Variants in MYO3A observed in about 807,000 individuals in gnomAD.
MYO3A encodes the protein myosin IIIA, also known as myosin-IIIa.
MYO3A carries 180 observed loss-of-function variants against 192.7 expected under a neutral mutation model. That is an observed-to-expected ratio of 0.93 (90% CI 0.83 to 1.06). The LOEUF (loss-of-function observed/expected upper bound fraction) is 1.06, where lower values mean the gene tolerates loss of function less well. Among genes scored for constraint, MYO3A ranks in the 50% least tolerant of loss-of-function variants. MYO3A has a pLI of 0.00. For missense variants in MYO3A, 1,896 were observed against 1,905.0 expected (o/e 1.00, Z 0.09); for synonymous variants, 628 against 645.3 (o/e 0.97, Z 0.41).
chr10:26,046,049 A>G (rs1488430886), intron 10 of MYO3A, among the ~76,000 whole-genome samples: 2 of 152,104 alleles, frequency 1.3e-5, no homozygotes, highest in African/African-American at 4.8e-5. Flanking sequence ...TATCCTTTGT[A>G]ATATTCTTTA....
chr10:26,192,727 C>T lies in MYO3A; in HGVS notation c.4439-478C>T, dbSNP rs182437523. Among the ~76,000 whole-genome samples, 1,024 of 145,286 alleles carry T rather than the reference C, an allele frequency of 7.0e-3. 12 individuals are homozygous for T. Among genetic ancestry groups the T allele is most frequent in the African/African-American group, 0.024 (964 of 39,698 alleles). On this transcript the variant is annotated intron_variant, in intron 31 of 34. Coordinates refer to ENST00000642920, the MANE Select transcript of MYO3A (RefSeq NM_017433.5). ...GGAATGCAATGGCACGGTCTTTACTCATTGCAACCTCTGCCTCCCAGGTTC... is the reference window on the plus strand; with the variant it reads ...GGAATGCAATGGCACGGTCTTTACTTATTGCAACCTCTGCCTCCCAGGTTC...
chr10:26,131,910 C>G (rs2131774754), intron 20 of MYO3A, among the ~76,000 whole-genome samples: 1 of 152,286 alleles, frequency 6.6e-6, no homozygotes, highest in Non-Finnish European at 1.5e-5. Context: ...GACTCAACCC[C>G]TTCTAAATGA....
chr10:26,125,536 C>T lies in MYO3A; in HGVS notation c.2042C>T (p.Thr681Ile), dbSNP rs763285554. Residue 681 changes from threonine to isoleucine, a missense_variant, in exon 19 of 35, where the codon ACT (threonine) becomes ATT (isoleucine). Coordinates refer to ENST00000642920, the MANE Select transcript of MYO3A (RefSeq NM_017433.5). ...ATDVRDAMAK[T>I]LYGRLFSWIV... is the part of the protein sequence containing the mutation. ...GATGTCAGGGATGCCATGGCTAAAA[C>T]TTTATATGGACGTCTCTTTAGTTGG... is the stretch of plus-strand genomic sequence containing the variant. 7 of 1,613,940 alleles carry T rather than the reference C, an allele frequency of 4.3e-6. No homozygotes were observed. Among genetic ancestry groups the T allele is most frequent in the East Asian group, 2.2e-5 (1 of 44,882 alleles).
intron 11 of MYO3A, among the ~76,000 whole-genome samples, chr10:26,067,696 A>T (rs2131375158): frequency 6.6e-6 from 1 of 152,246 alleles, no homozygotes; most frequent in Admixed American, 6.5e-5. Flanking sequence ...TTGTGAAGGT[A>T]GAGATCCAAG....
intron 4 of MYO3A, among the ~76,000 whole-genome samples, chr10:25,984,555 C>G (rs1446652953): frequency 1.3e-5 from 2 of 152,174 alleles, no homozygotes; most frequent in Non-Finnish European, 2.9e-5. Context: ...TTGTTCCAAG[C>G]CCCCCTCCCT....
chr10:26,210,399 C>T (rs979002777), intron 34 of MYO3A, among the ~76,000 whole-genome samples: 7 of 152,208 alleles, frequency 4.6e-5, no homozygotes, highest in African/African-American at 1.7e-4. Context: ...GCCTTGGCGA[C>T]ATTCTTGGTT....
chr10:26,031,894 T>G (rs1364388545), intron 10 of MYO3A, among the ~76,000 whole-genome samples: 1 of 152,186 alleles, frequency 6.6e-6, no homozygotes, highest in Non-Finnish European at 1.5e-5. Flanking sequence ...TCATTCCTCA[T>G]AAATAAAGAA....
chr10:26,138,832 A>G (rs995890953), intron 20 of MYO3A, among the ~76,000 whole-genome samples: 5 of 152,232 alleles, frequency 3.3e-5, no homozygotes, highest in Admixed American at 2.6e-4. Flanking sequence ...AGCTTCATGA[A>G]TGGATTCCTG....
At chr10:26,017,814 C>A (rs551316177) in intron 7 of MYO3A, among the ~76,000 whole-genome samples, 1 of 151,184 alleles carries the variant, frequency 6.6e-6, no homozygotes, top group East Asian at 1.9e-4. Context: ...AAAGTATAGT[C>A]ATAGAAGCAA....
intron 17 of MYO3A, among the ~76,000 whole-genome samples, chr10:26,109,876 C>A (rs1838053510): frequency 6.6e-6 from 1 of 152,110 alleles, no homozygotes; most frequent in Admixed American, 6.5e-5. Flanking sequence ...TTTGAGGAGC[C>A]AGAGGGGAAT....
intron 10 of MYO3A, among the ~76,000 whole-genome samples, chr10:26,030,953 T>C (rs1038382824): frequency 3.9e-5 from 6 of 152,162 alleles, no homozygotes; most frequent in African/African-American, 1.4e-4. Flanking sequence ...CATGTTATAA[T>C]ACACTCCTCA....
At chr10:26,118,645 T>A (rs961601287) in intron 17 of MYO3A, among the ~76,000 whole-genome samples, 11 of 151,884 alleles carry the variant, frequency 7.2e-5, no homozygotes, top group South Asian at 2.1e-4. Flanking sequence ...TTTTTTTTTT[T>A]AATTGTGTCC....
chr10:25,962,700 A>C (rs1838010676), intron 4 of MYO3A, among the ~76,000 whole-genome samples: 1 of 152,192 alleles, frequency 6.6e-6, no homozygotes, highest in Non-Finnish European at 1.5e-5. Context: ...GTTGGGGATC[A>C]GTATCAAGCG....
At chr10:26,150,029 CGTGTGTGTGTGTGT>C (rs35589117) in intron 23 of MYO3A, among the ~76,000 whole-genome samples, 1 of 149,398 alleles carries the variant, frequency 6.7e-6, no homozygotes, top group Non-Finnish European at 1.5e-5. Flanking sequence ...GAATAGTATT[CGTGTGTGTGTGTGT>C]GTGTGTGTGT....
At chr10:25,995,852 G>A (rs186692442) in intron 4 of MYO3A, among the ~76,000 whole-genome samples, 28 of 152,324 alleles carry the variant, frequency 1.8e-4, no homozygotes, top group African/African-American at 5.8e-4. Flanking sequence ...CTGTCTGATC[G>A]TTCCTCTGGA....
chr10:26,133,463 C>T (rs2131784609), intron 20 of MYO3A, among the ~76,000 whole-genome samples: 1 of 152,344 alleles, frequency 6.6e-6, no homozygotes, highest in East Asian at 1.9e-4. Flanking sequence ...TGTTCCTCAT[C>T]CCTGCTAGGC....
At chr10:26,093,031 C>T (rs1836790850) in intron 15 of MYO3A, among the ~76,000 whole-genome samples, 1 of 152,074 alleles carries the variant, frequency 6.6e-6, no homozygotes, top group South Asian at 2.1e-4. Context: ...AAGAGAAATC[C>T]ATTAATATTG....
At chr10:26,011,168 C>T (rs775572441) in intron 6 of MYO3A, among the ~76,000 whole-genome samples, 2 of 152,180 alleles carry the variant, frequency 1.3e-5, no homozygotes, top group Non-Finnish European at 2.9e-5. Context: ...GTGGCTCACA[C>T]TTGTAATGCC....
At chr10:26,049,316 C>T (rs1194062742) in intron 10 of MYO3A, among the ~76,000 whole-genome samples, 3 of 151,990 alleles carry the variant, frequency 2.0e-5, no homozygotes, top group Non-Finnish European at 4.4e-5. Flanking sequence ...GCAGTCCTAG[C>T]CAGGAGAGGT....
Sources: allele counts gnomAD v4.1 joint callset (sites outside exome capture counted in the v4.1 genomes callset), GRCh38; gene constraint gnomAD v4.1.1; transcripts MANE v1.5; gene names NCBI Gene and HGNC (gene_info 2026-07-23, HGNC 2026-07-21).